Variants in BABAM2 observed in about 807,000 individuals in gnomAD.
BABAM2 encodes the protein BRISC and BRCA1-A complex member 2.
BABAM2 carries 31 observed loss-of-function variants against 54.7 expected under a neutral mutation model. The observed-to-expected ratio is 0.57, with a 90% CI of 0.43 to 0.77. The LOEUF (loss-of-function observed/expected upper bound fraction) is 0.77, where lower values mean the gene tolerates loss of function less well. BABAM2 is among the 30% of genes least tolerant of loss of function. BABAM2 has a pLI of 0.00. For synonymous variants in BABAM2, 167 were observed against 162.9 expected (o/e 1.03, Z -0.19); for missense variants, 364 against 455.8 (o/e 0.80, Z 1.83).
chr2:28,109,855 T>C (rs1349074280), intron 6 of BABAM2, among the ~76,000 whole-genome samples: 1 of 152,234 alleles, frequency 6.6e-6, no homozygotes. Context: ...CTCTTTTCTT[T>C]ATTTTTTTTA....
intron 7 of BABAM2, among the ~76,000 whole-genome samples, chr2:28,192,765 G>A (rs768338364): frequency 1.3e-4 from 19 of 151,840 alleles, no homozygotes; most frequent in Admixed American, 3.9e-4. Context: ...CTCGTGATCC[G>A]CCCACCTGGG....
At chr2:28,076,734 C>A (rs1036407300) in intron 6 of BABAM2, among the ~76,000 whole-genome samples, 3 of 152,120 alleles carry the variant, frequency 2.0e-5, no homozygotes, top group African/African-American at 2.4e-5. Context: ...TCTCAATCTC[C>A]TGACCTCATG....
chr2:28,196,141 C>T (rs963373137), intron 7 of BABAM2, among the ~76,000 whole-genome samples: 18 of 151,636 alleles, frequency 1.2e-4, no homozygotes, highest in Non-Finnish European at 2.1e-4. Context: ...TCCTGGCTAA[C>T]GTGGTGAAAC....
At chr2:28,256,450 G>A (rs1416427796) in intron 10 of BABAM2, among the ~76,000 whole-genome samples, 7 of 152,196 alleles carry the variant, frequency 4.6e-5, no homozygotes, top group South Asian at 2.1e-4. Flanking sequence ...AAGAAAATGC[G>A]TAAAGATACA....
intron 6 of BABAM2, among the ~76,000 whole-genome samples, chr2:28,106,212 A>G (rs1457091715): frequency 1.3e-5 from 2 of 152,194 alleles, no homozygotes; most frequent in Admixed American, 6.5e-5. Flanking sequence ...CTAAGATCCC[A>G]TTCAAATTTC....
intron 4 of BABAM2, among the ~76,000 whole-genome samples, chr2:28,019,627 G>T (rs894411872): frequency 6.6e-6 from 1 of 152,104 alleles, no homozygotes; most frequent in Middle Eastern, 3.2e-3. Context: ...ATGGTTTCAG[G>T]TCTTATATTT....
chr2:28,318,779 G>C (rs571520906), intron 11 of BABAM2, among the ~76,000 whole-genome samples: 2 of 152,294 alleles, frequency 1.3e-5, no homozygotes, highest in Admixed American at 6.5e-5. Context: ...CAGCTGTGTA[G>C]GCATGGTTTA....
At chr2:28,112,061 C>A (rs1573602256) in intron 6 of BABAM2, among the ~76,000 whole-genome samples, 2 of 151,360 alleles carry the variant, frequency 1.3e-5, no homozygotes, top group South Asian at 4.2e-4. Flanking sequence ...GATGTTCATA[C>A]TTTTTCTTGA....
At chr2:28,081,372 A>C (rs1665159635) in intron 6 of BABAM2, among the ~76,000 whole-genome samples, 1 of 152,212 alleles carries the variant, frequency 6.6e-6, no homozygotes, top group African/African-American at 2.4e-5. Flanking sequence ...CTAGAGCCAC[A>C]CTTACCTGAT....
chr2:28,039,464 A>G (rs978252262), intron 5 of BABAM2, among the ~76,000 whole-genome samples: 1 of 152,260 alleles, frequency 6.6e-6, no homozygotes, highest in Non-Finnish European at 1.5e-5. Context: ...ATTTAGGCTC[A>G]CTGGTTTTCA....
intron 7 of BABAM2, among the ~76,000 whole-genome samples, chr2:28,157,760 C>T (rs1045682582): frequency 6.6e-6 from 1 of 152,038 alleles, no homozygotes; most frequent in Non-Finnish European, 1.5e-5. Flanking sequence ...TACAGGCATG[C>T]GCCACCATGC....
At chr2:27,993,085 C>T (rs1672894531) in intron 4 of BABAM2, among the ~76,000 whole-genome samples, 1 of 152,148 alleles carries the variant, frequency 6.6e-6, no homozygotes, top group East Asian at 1.9e-4. Flanking sequence ...TCTGTCTCTG[C>T]CAGGGTGACC....
intron 4 of BABAM2, among the ~76,000 whole-genome samples, chr2:27,992,573 A>G (rs1234688508): frequency 6.6e-6 from 1 of 152,236 alleles, no homozygotes; most frequent in Non-Finnish European, 1.5e-5. Context: ...TTCACGTACA[A>G]TATGTGATGT....
intron 11 of BABAM2, among the ~76,000 whole-genome samples, chr2:28,314,232 G>A (rs1259135150): frequency 6.6e-6 from 1 of 152,058 alleles, no homozygotes; most frequent in African/African-American, 2.4e-5. Context: ...TGTAATTCTC[G>A]TAACAACCTT....
chr2:28,201,975 C>T (rs1298404567), intron 7 of BABAM2, among the ~76,000 whole-genome samples: 1 of 152,088 alleles, frequency 6.6e-6, no homozygotes, highest in African/African-American at 2.4e-5. Context: ...ATGGGATGAG[C>T]CACGGGGCCC....
At chr2:27,890,327 G>A (rs746169402), upstream of BABAM2, 3 of 1,613,678 alleles carry the variant, frequency 1.9e-6, no homozygotes, top group Non-Finnish European at 2.5e-6. This position sits in a 1 kb window ranked among gnomAD's most constrained non-coding sequence, Gnocchi z 4.8. Flanking sequence ...TGCCTCTGGG[G>A]TTCCCCAGAC....
intron 2 of BABAM2, among the ~76,000 whole-genome samples, chr2:27,925,925 A>G (rs1459309455): frequency 1.3e-5 from 2 of 152,230 alleles, no homozygotes; most frequent in Non-Finnish European, 2.9e-5. Flanking sequence ...CTGAAGCAGC[A>G]GCATTATTAC....
chr2:28,183,695 G>A (rs1675892324), intron 7 of BABAM2, among the ~76,000 whole-genome samples: 1 of 146,222 alleles, frequency 6.8e-6, no homozygotes, highest in African/African-American at 2.5e-5. Context: ...CAGACACACT[G>A]TCAAACCAGC....
intron 3 of BABAM2, among the ~76,000 whole-genome samples, chr2:27,935,189 A>G (rs1668402923): frequency 6.6e-6 from 1 of 152,240 alleles, no homozygotes; most frequent in African/African-American, 2.4e-5. Flanking sequence ...TATCATTCTG[A>G]AAATCCTAAG....
Sources: allele counts gnomAD v4.1 joint callset (sites outside exome capture counted in the v4.1 genomes callset), GRCh38; gene constraint gnomAD v4.1.1; non-coding constraint Gnocchi (gnomAD v3.1); transcripts MANE v1.5; gene names NCBI Gene and HGNC (gene_info 2026-07-23, HGNC 2026-07-21).